The following STEEP1 variants were observed in gnomAD, a reference collection of about 807,000 sequenced individuals.
The protein encoded by STEEP1 is STING1 ER exit protein 1, also known as STING ER exit protein.
A neutral mutation model predicts 19.2 loss-of-function variants in STEEP1; 3 were observed. That is an observed-to-expected ratio of 0.16 (90% confidence interval 0.07 to 0.40). STEEP1 has a LOEUF of 0.40. Among genes scored for constraint, STEEP1 ranks in the 10% least tolerant of loss-of-function variants. The pLI, the probability that STEEP1 is intolerant of heterozygous loss-of-function variation, is 0.99. For synonymous variants in STEEP1, 46 were observed against 63.7 expected (o/e 0.72, Z 1.32); for missense variants, 54 against 177.1 (o/e 0.30, Z 3.94).
chrX:119,563,652 G>A (rs1166788677), intron 1 of STEEP1, among the ~76,000 whole-genome samples: 1 of 111,420 alleles, frequency 9.0e-6, no homozygotes, highest in African/African-American at 3.3e-5. Flanking sequence ...GGAAGTTGCA[G>A]TGAGCTGAGA....
intron 2 of STEEP1, among the ~76,000 whole-genome samples, chrX:119,549,480 T>C (rs2053229879): frequency 8.9e-6 from 1 of 111,996 alleles, no homozygotes; most frequent in African/African-American, 3.2e-5. Context: ...TTCAATATAC[T>C]AAGAATAGAA....
At chrX:119,559,536 C>T (rs1245547303) in intron 2 of STEEP1, among the ~76,000 whole-genome samples, 1 of 111,248 alleles carries the variant, frequency 9.0e-6, no homozygotes, top group Non-Finnish European at 1.9e-5. Context: ...CCCACTCCCA[C>T]CTGTTTTTCC....
intron 2 of STEEP1, among the ~76,000 whole-genome samples, chrX:119,546,547 C>T (rs1226421702): frequency 9.0e-6 from 1 of 110,951 alleles, no homozygotes; most frequent in African/African-American, 3.3e-5. Context: ...AGAACCTAGG[C>T]CCACAGAGTA....
At chrX:119,541,517 C>T (rs369846593) in intron 5 of STEEP1, 97 bp from the exon 6 acceptor site, 64 of 519,231 alleles carry the variant, frequency 1.2e-4, no homozygotes, top group Middle Eastern at 3.4e-4. Flanking sequence ...ATCATGAAAT[C>T]ATGACTAAAA....
chrX:119,540,181 T>C (rs2053153439), intron 6 of STEEP1, among the ~76,000 whole-genome samples: 1 of 112,316 alleles, frequency 8.9e-6, no homozygotes. Context: ...AACTATTTGT[T>C]ATTGGTCCAC....
At chrX:119,562,031 G>A (rs1311754804) in intron 1 of STEEP1, among the ~76,000 whole-genome samples, 3 of 112,447 alleles carry the variant, frequency 2.7e-5, no homozygotes, top group African/African-American at 6.5e-5. Context: ...CGATAAATAC[G>A]TGAGGGCCCT....
chrX:119,560,150 A>C (rs1477631940), intron 2 of STEEP1, 118 bp downstream of exon 2: 2 of 515,033 alleles, frequency 3.9e-6, no homozygotes, highest in African/African-American at 2.3e-5. Context: ...AAACCACCAC[A>C]AATGTCAAAG....
intron 2 of STEEP1, among the ~76,000 whole-genome samples, chrX:119,548,636 C>G (rs778173129): frequency 4.5e-5 from 5 of 110,162 alleles, no homozygotes; most frequent in Non-Finnish European, 7.6e-5. Context: ...ATTAGTACAG[C>G]CATTATGGAA....
At chrX:119,542,135 C>T (rs1212068794) in intron 5 of STEEP1, among the ~76,000 whole-genome samples, 1 of 101,884 alleles carries the variant, frequency 9.8e-6, no homozygotes, top group Non-Finnish European at 2.0e-5. Flanking sequence ...GGCGCAATCT[C>T]GGTTCACTGA....
At chrX:119,546,601 G>C (rs2053207610) in intron 2 of STEEP1, among the ~76,000 whole-genome samples, 1 of 110,815 alleles carries the variant, frequency 9.0e-6, no homozygotes. Flanking sequence ...AGCAGAGGTT[G>C]AATTTAAGCC....
chrX:119,544,297 A>T, intron 4 of STEEP1, 56 bp downstream of exon 4: 1 of 1,058,875 alleles, frequency 9.4e-7, no homozygotes, highest in Non-Finnish European at 1.3e-6. Flanking sequence ...TCTTATTTCA[A>T]AACATGAGCT....
chrX:119,552,050 C>T (rs1025399748), intron 2 of STEEP1, among the ~76,000 whole-genome samples: 2 of 109,949 alleles, frequency 1.8e-5, no homozygotes, highest in Admixed American at 9.8e-5. Flanking sequence ...CGCACCACCA[C>T]GCCCAGCTAA....
intron 2 of STEEP1, among the ~76,000 whole-genome samples, chrX:119,547,898 G>A (rs12835662): frequency 8.3e-4 from 93 of 111,761 alleles, no homozygotes; most frequent in African/African-American, 2.8e-3. Flanking sequence ...AGGGCCGGAC[G>A]TGGTAGCTCA....
intron 2 of STEEP1, 32 bp downstream of exon 2, chrX:119,560,236 G>A: frequency 1.0e-6 from 1 of 1,001,419 alleles, no homozygotes; most frequent in Non-Finnish European, 1.4e-6. Context: ...ACACAATAGG[G>A]AAATCCTAAA....
chrX:119,563,876 T>G (rs1250879567), intron 1 of STEEP1, among the ~76,000 whole-genome samples: 1 of 111,955 alleles, frequency 8.9e-6, no homozygotes, highest in Non-Finnish European at 1.9e-5. Flanking sequence ...GGATGAATAG[T>G]TGTACTACTG....
chrX:119,557,639 G>A (rs1019011386), intron 2 of STEEP1, among the ~76,000 whole-genome samples: 5 of 111,425 alleles, frequency 4.5e-5, no homozygotes, highest in African/African-American at 1.6e-4. Context: ...AATCCAATAT[G>A]ATTGGTGCCC....
At chrX:119,559,861 C>T (rs919339525) in intron 2 of STEEP1, among the ~76,000 whole-genome samples, 8 of 106,207 alleles carry the variant, frequency 7.5e-5, no homozygotes, top group African/African-American at 2.4e-4. Context: ...CCAGCCTGGC[C>T]GACATGGTGA....
chrX:119,564,508 G>GT, intron 1 of STEEP1, among the ~76,000 whole-genome samples: 1 of 98,773 alleles, frequency 1.0e-5, no homozygotes. Flanking sequence ...AAAAAAGGGG[G>GT]GGGGGAAATA....
chrX:119,560,440 G>A (rs901754560), intron 1 of STEEP1, 55 bp from the exon 2 acceptor site: 15 of 805,253 alleles, frequency 1.9e-5, no homozygotes, highest in Non-Finnish European at 2.8e-5. Context: ...TAGCAAATGA[G>A]TCACTGCAAA....
Sources: gnomAD v4.1 joint callset for allele counts (sites outside exome capture counted in the v4.1 genomes callset) on GRCh38, gnomAD v4.1.1 for gene constraint, MANE v1.5 for transcripts, NCBI Gene and HGNC (gene_info 2026-07-23, HGNC 2026-07-21) for gene names.